ADARB2: variants seen among roughly 807,000 people sequenced by gnomAD.
ADARB2 encodes adenosine deaminase RNA specific B2 (inactive), also known as inactive double-stranded RNA-specific editase B2.
Under a neutral mutation model 62.2 loss-of-function variants are expected in ADARB2, and 25 were observed. That is an observed-to-expected ratio of 0.40 (90% CI 0.29 to 0.56). The LOEUF (loss-of-function observed/expected upper bound fraction) is 0.56. ADARB2 is among the 20% of genes least tolerant of loss of function. ADARB2 has a pLI of 0.43. For synonymous variants in ADARB2, 572 were observed against 500.8 expected (o/e 1.14, Z -1.90); for missense variants, 1,071 against 1,077.4 (o/e 0.99, Z 0.08).
At chr10:1,531,202 G>A (rs1238503220) in intron 1 of ADARB2, among the ~76,000 whole-genome samples, 2 of 152,166 alleles carry the variant, frequency 1.3e-5, no homozygotes, top group Non-Finnish European at 2.9e-5. Context: ...GAGTAACCAC[G>A]GAATGATCTA....
rs878926635 is a variant in ADARB2 at position 1,327,283 on chromosome 10, T to C, written c.1077+35745A>G. Reference sequence around the variant, plus strand: ...CGCCTCCTCACTGCACAGCGCCTCCTCACTGCCCAGCGCCTCCCCACGGCA... The same window carrying C: ...CGCCTCCTCACTGCACAGCGCCTCCCCACTGCCCAGCGCCTCCCCACGGCA... On this transcript the variant is annotated intron_variant, in intron 3 of 9. Coordinates refer to ENST00000381312, the MANE Select transcript of ADARB2 (RefSeq NM_018702.4). 3.5e-4 allele frequency among the ~76,000 whole-genome samples: 22 copies of C among 62,438 alleles called. 1 individual carries two copies. Among genetic ancestry groups the C allele is most frequent in the East Asian group, 1.0e-3 (2 of 1,970 alleles). The allele number at this position is 62,438 out of a possible 152,430, so 41.0% of individuals were successfully genotyped here.
At chr10:1,254,199 G>T (rs377277555) in intron 4 of ADARB2, among the ~76,000 whole-genome samples, 52 of 152,208 alleles carry the variant, frequency 3.4e-4, no homozygotes, top group African/African-American at 1.2e-3. Context: ...AGGATGTGGT[G>T]GGCTCTGTGG....
chr10:1,343,970 C>A (rs1832055527), intron 3 of ADARB2, among the ~76,000 whole-genome samples: 1 of 152,168 alleles, frequency 6.6e-6, no homozygotes, highest in South Asian at 2.1e-4. Flanking sequence ...CAAACCCCCA[C>A]AACACACAAT....
chr10:1,221,439 T>TA (rs1453312890), intron 6 of ADARB2, among the ~76,000 whole-genome samples: 1 of 151,954 alleles, frequency 6.6e-6, no homozygotes, highest in Non-Finnish European at 1.5e-5. Flanking sequence ...TATTATACTT[T>TA]AAGTTTTAGG....
At chr10:1,588,419 G>A (rs1013878786) in intron 1 of ADARB2, among the ~76,000 whole-genome samples, 1 of 152,188 alleles carries the variant, frequency 6.6e-6, no homozygotes, top group African/African-American at 2.4e-5. Context: ...TAAGGAACTT[G>A]ATAGGCCAAA....
At chr10:1,410,418 C>A (rs542806805) in intron 1 of ADARB2, among the ~76,000 whole-genome samples, 1 of 152,260 alleles carries the variant, frequency 6.6e-6, no homozygotes, top group East Asian at 1.9e-4. Context: ...AAGGTTTGGG[C>A]CAGAGGACTT....
intron 1 of ADARB2, among the ~76,000 whole-genome samples, chr10:1,618,511 A>AT (rs142731683): frequency 0.022 from 3,353 of 151,632 alleles, 57 homozygotes; most frequent in South Asian, 0.067. Flanking sequence ...TCAACAAGTC[A>AT]TTTTTTTTGT....
intron 1 of ADARB2, among the ~76,000 whole-genome samples, chr10:1,478,531 C>T (rs371508581): frequency 1.3e-5 from 2 of 152,176 alleles, no homozygotes; most frequent in African/African-American, 2.4e-5. Context: ...TGATGAGCAC[C>T]GTCACTAACT....
intron 3 of ADARB2, among the ~76,000 whole-genome samples, chr10:1,335,425 T>A (rs1231044233): frequency 2.4e-5 from 3 of 124,930 alleles, no homozygotes; most frequent in Non-Finnish European, 3.2e-5. Flanking sequence ...GAGGGAAGGA[T>A]GGAGGGAGAA....
chr10:1,391,516 C>G (rs948998647), intron 1 of ADARB2, among the ~76,000 whole-genome samples: 3 of 152,244 alleles, frequency 2.0e-5, no homozygotes, highest in Non-Finnish European at 2.9e-5. Flanking sequence ...CTCAGTTTAC[C>G]CACGATGATT....
At chr10:1,694,199 C>T (rs774279818) in intron 1 of ADARB2, among the ~76,000 whole-genome samples, 31 of 152,286 alleles carry the variant, frequency 2.0e-4, no homozygotes, top group Non-Finnish European at 3.8e-4. Context: ...ATATTCTGTA[C>T]GGTTTTACTA....
intron 1 of ADARB2, among the ~76,000 whole-genome samples, chr10:1,608,889 G>A (rs1174371980): frequency 6.6e-6 from 1 of 152,118 alleles, no homozygotes; most frequent in African/African-American, 2.4e-5. Flanking sequence ...CCGCATTGCC[G>A]GCCCTCTGTC....
At chr10:1,193,181 C>T (rs1836866160) in intron 8 of ADARB2, among the ~76,000 whole-genome samples, 1 of 152,324 alleles carries the variant, frequency 6.6e-6, no homozygotes, top group Non-Finnish European at 1.5e-5. Context: ...ATGCCAAGGC[C>T]TGGGCGGTGT....
At chr10:1,536,716 T>C (rs1229533797) in intron 1 of ADARB2, among the ~76,000 whole-genome samples, 1 of 152,168 alleles carries the variant, frequency 6.6e-6, no homozygotes, top group African/African-American at 2.4e-5. Context: ...ATGGGGAAAT[T>C]GTTCCCTATC....
intron 1 of ADARB2, among the ~76,000 whole-genome samples, chr10:1,722,871 G>A (rs1227322322): frequency 6.6e-6 from 1 of 152,184 alleles, no homozygotes; most frequent in Non-Finnish European, 1.5e-5. Context: ...TATTACTTAA[G>A]CAAGCAAAAG....
chr10:1,518,744 G>A (rs927069552), intron 1 of ADARB2, among the ~76,000 whole-genome samples: 17 of 151,640 alleles, frequency 1.1e-4, no homozygotes, highest in Admixed American at 1.1e-3. Context: ...ATTGTCATAC[G>A]CATGCATTCC....
chr10:1,554,179 G>GCCTGTGC (rs1564328332), intron 1 of ADARB2, among the ~76,000 whole-genome samples: 1 of 152,136 alleles, frequency 6.6e-6, no homozygotes. Flanking sequence ...TCTCCGGGTG[G>GCCTGTGC]CCTGTGCCCT....
Position 1,414,094 on chromosome 10 carries a change from G to A in ADARB2, c.101-34934C>T, listed in dbSNP as rs141090024. Among the ~76,000 whole-genome samples, 314 of 152,310 alleles carry A rather than the reference G, an allele frequency of 2.1e-3. 1 individual carries two copies. Among genetic ancestry groups the A allele is most frequent in the South Asian group, 0.011 (53 of 4,822 alleles). On this transcript the variant is annotated intron_variant, in intron 1 of 9. Coordinates refer to ENST00000381312, the MANE Select transcript of ADARB2 (RefSeq NM_018702.4). ...CCTTTCCTCACCAGCTCGGCTCAGG[G>A]GGCTGCCCTGCACAGCCATGGCCTC...
At chr10:1,298,151 TGCCAGGCAGCAAACG>T (rs1831539930) in intron 3 of ADARB2, among the ~76,000 whole-genome samples, 1 of 152,168 alleles carries the variant, frequency 6.6e-6, no homozygotes, top group Non-Finnish European at 1.5e-5. Flanking sequence ...GCCTCCCACA[TGCCAGGCAGCAAACG>T]AAACGGACAG....
Sources: allele counts gnomAD v4.1 joint callset (sites outside exome capture counted in the v4.1 genomes callset), GRCh38; gene constraint gnomAD v4.1.1; transcripts MANE v1.5; gene names NCBI Gene and HGNC (gene_info 2026-07-23, HGNC 2026-07-21).